NOL10: variants seen among roughly 807,000 people sequenced by gnomAD.
NOL10 encodes H_NH0074G24.1.
A neutral mutation model predicts 103.5 loss-of-function variants in NOL10; 58 were observed. That is an observed-to-expected ratio of 0.56 (90% CI 0.45 to 0.70). The LOEUF (loss-of-function observed/expected upper bound fraction) is 0.70. Among genes scored for constraint, NOL10 ranks in the 30% least tolerant of loss-of-function variants. The probability of loss-of-function intolerance (pLI) is 0.00; values close to 1 mark genes in which losing one functional copy is unlikely to be tolerated. For missense variants in NOL10, 763 were observed against 807.3 expected (o/e 0.95, Z 0.67); for synonymous variants, 287 against 282.5 (o/e 1.02, Z -0.16).
At chr2:10,639,289 G>C (rs1678537984) in intron 13 of NOL10, among the ~76,000 whole-genome samples, 1 of 152,150 alleles carries the variant, frequency 6.6e-6, no homozygotes, top group Non-Finnish European at 1.5e-5. Context: ...GGGCGTGGCA[G>C]CGTGCGCCTA....
At chr2:10,645,729 C>A (rs1442352507) in intron 12 of NOL10, among the ~76,000 whole-genome samples, 2 of 151,860 alleles carry the variant, frequency 1.3e-5, no homozygotes, top group Admixed American at 1.3e-4. Flanking sequence ...GGGGGTTTCA[C>A]CATGTTAGCC....
chr2:10,670,602 G>A (rs142047493), intron 6 of NOL10, among the ~76,000 whole-genome samples: 240 of 152,220 alleles, frequency 1.6e-3, no homozygotes, highest in African/African-American at 5.4e-3. Context: ...GGGCATGGTG[G>A]CAGGCGCCCA....
At chr2:10,592,937 G>C (rs1460273727) in intron 17 of NOL10, among the ~76,000 whole-genome samples, 1 of 152,002 alleles carries the variant, frequency 6.6e-6, no homozygotes, top group Admixed American at 6.6e-5. Flanking sequence ...TGTCTGGCTA[G>C]TGATCCGTCC....
At chr2:10,615,980 T>C (rs1232657372) in intron 13 of NOL10, among the ~76,000 whole-genome samples, 1 of 152,030 alleles carries the variant, frequency 6.6e-6, no homozygotes, top group Non-Finnish European at 1.5e-5. Flanking sequence ...AGTCTAGACA[T>C]CAAACTGTGG....
chr2:10,677,227 C>A (rs1009279589), intron 3 of NOL10, among the ~76,000 whole-genome samples: 1 of 152,056 alleles, frequency 6.6e-6, no homozygotes, highest in African/African-American at 2.4e-5. Flanking sequence ...GAGTTAGCCA[C>A]CATGCCTGGC....
chr2:10,574,355 G>C (rs1157344561), intron 20 of NOL10, among the ~76,000 whole-genome samples: 1 of 152,054 alleles, frequency 6.6e-6, no homozygotes, highest in Non-Finnish European at 1.5e-5. Flanking sequence ...TATTTAAAAA[G>C]GGTTTCTTCA....
intron 3 of NOL10, among the ~76,000 whole-genome samples, chr2:10,677,519 G>A (rs72777332): frequency 0.23 from 34,174 of 149,434 alleles, 4,136 homozygotes; most frequent in South Asian, 0.47. Context: ...CAACCAGGCT[G>A]GAGCACAGAG....
chr2:10,656,041 T>C (rs1383181024), intron 11 of NOL10, among the ~76,000 whole-genome samples: 1 of 152,144 alleles, frequency 6.6e-6, no homozygotes, highest in African/African-American at 2.4e-5. Flanking sequence ...AAGGTGATAA[T>C]AATCCACATG....
At chr2:10,572,234 C>A (rs370186406) in intron 20 of NOL10, 44 bp from the exon 21 acceptor site, 2 of 1,607,006 alleles carry the variant, frequency 1.2e-6, no homozygotes, top group African/African-American at 2.7e-5. Flanking sequence ...AGAGAAAATT[C>A]TATACCTCTT....
chr2:10,669,086 C>CT (rs964422350), intron 6 of NOL10, among the ~76,000 whole-genome samples: 18 of 150,234 alleles, frequency 1.2e-4, no homozygotes, highest in South Asian at 4.2e-4. Flanking sequence ...TGAATTTTTT[C>CT]TTTTTTTTTG....
Position 10,677,675 on chromosome 2 carries a change from G to A in NOL10, c.212-1804C>T, listed in dbSNP as rs185229417. On this transcript the variant is annotated intron_variant, in intron 3 of 20. Coordinates refer to ENST00000381685, the MANE Select transcript of NOL10 (RefSeq NM_024894.4). ...TTTTGTAAAGATGGGGTTTCACCAC[G>A]TTGCCCAGGCTGGTCTCAAACTCCT... Among the ~76,000 whole-genome samples the A allele has an allele frequency of 1.1e-3, 174 of 151,840 alleles. 3 individuals carry two copies. In the South Asian group the frequency reaches 0.015, roughly 13 times the overall value.
At chr2:10,660,919 CA>C (rs904162930) in intron 9 of NOL10, among the ~76,000 whole-genome samples, 2 of 102,160 alleles carry the variant, frequency 2.0e-5, no homozygotes, top group African/African-American at 3.8e-5. Context: ...GGAAAACAAA[CA>C]AAAAAAAAGC....
At chr2:10,671,431 G>C (rs564368276) in intron 6 of NOL10, 123 bp downstream of exon 6, 235 of 445,698 alleles carry the variant, frequency 5.3e-4, no homozygotes, top group Non-Finnish European at 7.5e-4. Flanking sequence ...TTTTTTACAA[G>C]AGCCACGTAT....
rs139051995 is a variant in NOL10, at chr2:10,613,121, T to C, written c.1027-5810A>G. ...CAGGAATAAAACTGAAACCATGAAA[T>C]GTAATGAAATAGATTTTAATTCAAT... is the stretch of plus-strand genomic sequence containing the variant. On this transcript the variant is annotated intron_variant, in intron 13 of 20. Coordinates refer to ENST00000381685, the MANE Select transcript of NOL10 (RefSeq NM_024894.4). Among the ~76,000 whole-genome samples the C allele has an allele frequency of 6.4e-3, 977 of 152,214 alleles. 42 individuals are homozygous for C. Among genetic ancestry groups the C allele is most frequent in the Admixed American group, 0.059 (900 of 15,292 alleles).
At chr2:10,628,683 A>G (rs1677642020) in intron 13 of NOL10, among the ~76,000 whole-genome samples, 1 of 152,162 alleles carries the variant, frequency 6.6e-6, no homozygotes, top group Non-Finnish European at 1.5e-5. Flanking sequence ...ATACAGCAGG[A>G]GACTTGCACC....
At chr2:10,638,170 T>C (rs1012116684) in intron 13 of NOL10, among the ~76,000 whole-genome samples, 4 of 152,004 alleles carry the variant, frequency 2.6e-5, no homozygotes, top group Admixed American at 6.6e-5. Context: ...CCTGTAGTCC[T>C]ACCTACTCAC....
chr2:10,595,144 C>CAGAG (rs77723934), intron 17 of NOL10, among the ~76,000 whole-genome samples: 5,660 of 124,076 alleles, frequency 0.046, 186 homozygotes, highest in Non-Finnish European at 0.067. Context: ...GGGGAGGGGG[C>CAGAG]AGAGAGAGAG....
chr2:10,664,364 AT>A (rs1358638291), intron 8 of NOL10, among the ~76,000 whole-genome samples: 5 of 152,000 alleles, frequency 3.3e-5, no homozygotes, highest in Non-Finnish European at 7.4e-5. Flanking sequence ...GGAGGCAGAC[AT>A]TGCGGTGAGC....
chr2:10,675,289 T>C (rs1572427197), intron 4 of NOL10, among the ~76,000 whole-genome samples: 2 of 151,244 alleles, frequency 1.3e-5, no homozygotes, highest in East Asian at 1.9e-4. Context: ...TGGAGGTGAG[T>C]GTGTGATGAG....
Sources: gnomAD v4.1 joint callset for allele counts (sites outside exome capture counted in the v4.1 genomes callset) on GRCh38, gnomAD v4.1.1 for gene constraint, MANE v1.5 for transcripts, NCBI Gene and HGNC (gene_info 2026-07-23, HGNC 2026-07-21) for gene names.